Variants in MAP3K10 observed in about 807,000 individuals in gnomAD.
The protein encoded by MAP3K10 is mitogen-activated protein kinase kinase kinase 10, also known as MKN28 derived nonreceptor_type serine/threonine kinase.
A neutral mutation model predicts 75.0 loss-of-function variants in MAP3K10; 22 were observed. The ratio of observed to expected loss-of-function variants is 0.29; its 90% CI spans 0.21 to 0.42. The LOEUF is 0.42. Ranked by LOEUF, MAP3K10 falls within the 10% of genes least tolerant of loss-of-function variation. The probability of loss-of-function intolerance (pLI) is 1.00; values close to 1 mark genes in which losing one functional copy is unlikely to be tolerated. For synonymous variants in MAP3K10, 599 were observed against 612.9 expected (o/e 0.98, Z 0.34); for missense variants, 1,165 against 1,379.8 (o/e 0.84, Z 2.47).
rs755182157 is a variant in MAP3K10 at position 40,192,290 on chromosome 19, C to G, written c.259C>G (p.Leu87Val). ...CGGCGCCCCCGCTGCACCCGCGGGCCTCCAGCTGCCCCAGGAGATCCCCTT... is the reference window on the plus strand; with the variant it reads ...CGGCGCCCCCGCTGCACCCGCGGGCGTCCAGCTGCCCCAGGAGATCCCCTT... ...APGAPAAPAG[L>V]QLPQEIPFHE... is the part of the protein sequence containing the mutation. Residue 87 changes from leucine to valine, a missense_variant, in exon 1 of 10, where the codon CTC (leucine) becomes GTC (valine). Leu to Val is a conservative substitution (Grantham distance 32). Transcript: ENST00000253055. This position sits in a 1 kb window ranked among gnomAD's most constrained non-coding sequence, Gnocchi z 7.1. The G allele has an allele frequency of 6.3e-7, 1 of 1,594,768 alleles. No homozygotes were observed. The highest frequency in any genetic ancestry group is 1.1e-5 in the South Asian group (1 of 89,130).
rs546069949 is a variant in MAP3K10, at chr19:40,212,015, G to A, written c.1553-790G>A. Among the ~76,000 whole-genome samples the A allele has an allele frequency of 7.9e-5, 12 of 152,298 alleles. No individual in the cohort carries two copies. The highest frequency in any genetic ancestry group is 7.7e-4 in the East Asian group (4 of 5,172). On this transcript the variant is annotated intron_variant, in intron 6 of 9. Coordinates refer to ENST00000253055, the MANE Select transcript of MAP3K10 (RefSeq NM_002446.4). This position sits in a 1 kb window ranked among gnomAD's most constrained non-coding sequence, Gnocchi z 4.2. ...GCTGGGATTCCAGGCAAGAGCCACC[G>A]CACCTGGCCTGGTATGGATTTTCTT...
chr19:40,213,150 C>T lies in MAP3K10; in HGVS notation c.1799C>T (p.Thr600Ile), dbSNP rs762431180. 28 of 1,597,090 alleles carry T rather than the reference C, an allele frequency of 1.8e-5. No individual in the cohort carries two copies. The highest frequency in any genetic ancestry group is 4.0e-5 in the African/African-American group (3 of 74,854). Residue 600 changes from threonine to isoleucine, a missense_variant, in exon 8 of 10, where the codon ACA (threonine) becomes ATA (isoleucine). Thr to Ile is a moderately conservative substitution (Grantham distance 89). Around this residue, in one of 2 missense-constraint regions of MAP3K10, gnomAD observed 590 missense variants for 586.6 expected, o/e 1.01. Transcript: ENST00000253055. The surrounding 1 kb of genome is among the most constrained non-coding windows in gnomAD (Gnocchi z 5.7). The stretch of plus-strand genomic sequence containing the variant: ...AACCTGGGCAAGTCCCCCAAACACA[C>T]ACCCATCGCCCCTGGCTTTGCCAGC... The part of the protein sequence containing the change: ...APNLGKSPKH[T>I]PIAPGFASLN...
intron 5 of MAP3K10, among the ~76,000 whole-genome samples, chr19:40,208,226 C>T (rs1973158811): frequency 6.6e-6 from 1 of 151,640 alleles, no homozygotes; most frequent in Non-Finnish European, 1.5e-5. Context: ...GGCTGGAGTG[C>T]AGTGGCATGA....
At chr19:40,209,065 A>C (rs1229677278) in intron 5 of MAP3K10, 38 bp from the exon 6 acceptor site, 3 of 1,470,696 alleles carry the variant, frequency 2.0e-6, no homozygotes, top group South Asian at 1.1e-5. Context: ...TAATCCCTGG[A>C]ACCATTTGCT....
rs1973092340 is a variant in MAP3K10 at position 40,205,085 on chromosome 19, C to T, written c.1013-36C>T. 1.9e-6 allele frequency: 3 copies of T among 1,602,168 alleles called. No homozygotes were observed. The East Asian group carries it at 6.7e-5, about 36-fold the overall frequency. ...CCCAGAGCATGACCACTGACACCTCCATGCCCCACCACTGTCCTTCCTCCT... is the reference window on the plus strand; with the variant it reads ...CCCAGAGCATGACCACTGACACCTCTATGCCCCACCACTGTCCTTCCTCCT... On this transcript the variant is annotated intron_variant, in intron 3 of 9. Transcript: ENST00000253055. This position sits in a 1 kb window ranked among gnomAD's most constrained non-coding sequence, Gnocchi z 4.3.
At position 40,214,212 on chromosome 19, in the gene MAP3K10, C is replaced by A; in HGVS notation, c.2533C>A (p.His845Asn). The A allele has an allele frequency of 7.0e-7, 1 of 1,418,750 alleles. No individual in the cohort carries two copies. Among genetic ancestry groups the A allele is most frequent in the Non-Finnish European group, 9.1e-7 (1 of 1,097,888 alleles). The allele number at this position is 1,418,750 out of a possible 1,614,324, so 87.9% of individuals were successfully genotyped here. Residue 845 changes from histidine (H) to asparagine (N), a missense_variant, in exon 9 of 10, where the codon CAT becomes AAT. By Grantham distance (68) the His-to-Asn change is moderately conservative. Transcript: ENST00000253055. ...GQRGPPEPAGHGPGPRDLLDF... is the reference protein window; with the variant it reads ...GQRGPPEPAGNGPGPRDLLDF... ...GCGGGGGCCGCCCGAGCCCGCGGGCCATGGCCCTGGTGAGTGAGGCGCCCT... is the reference window on the plus strand; with the variant it reads ...GCGGGGGCCGCCCGAGCCCGCGGGCAATGGCCCTGGTGAGTGAGGCGCCCT...
rs1045490235 is a variant in MAP3K10, at chr19:40,213,720, C to G, written c.2041C>G (p.Leu681Val). The G allele has an allele frequency of 8.8e-5, 95 of 1,076,946 alleles. No individual in the cohort carries two copies. The highest frequency in any genetic ancestry group is 1.1e-4 in the Non-Finnish European group (94 of 887,928). 66.7% of individuals were successfully genotyped at this position (1,076,946 alleles called of 1,614,324 possible). A position where few individuals can be genotyped will look rare whatever the true frequency, so the allele number is the denominator to read the frequency against. ...CCTGGCGCTGCTAGGCTGCGCCACG[C>G]TGCTGGGGGCTGTGGGCCTGGGCGC... ...CDLALLGCAT[L>V]LGAVGLGADV... Residue 681 changes from leucine to valine, a missense_variant, in exon 9 of 10, where the codon CTG becomes GTG. Around this residue, in one of 2 missense-constraint regions of MAP3K10, gnomAD observed 590 missense variants for 586.6 expected, o/e 1.01. Transcript: ENST00000253055. This position sits in a 1 kb window ranked among gnomAD's most constrained non-coding sequence, Gnocchi z 5.7.
intron 2 of MAP3K10, among the ~76,000 whole-genome samples, chr19:40,201,167 G>A (rs536071244): frequency 2.0e-5 from 3 of 146,816 alleles, no homozygotes; most frequent in South Asian, 4.3e-4. Flanking sequence ...GAGCTCCAGC[G>A]TTTTTTGTTT....
rs763193956 is a variant in MAP3K10, at chr19:40,212,870, C to T, written c.1618C>T (p.Arg540Cys). ...SSSGGSGTWSRGGPPKKEELV... is the reference protein window; with the variant it reads ...SSSGGSGTWSCGGPPKKEELV... ...CAGTGGAGGAAGTGGGACATGGAGC[C>T]GCGGTGGGCCCCCAAAGAAGGAAGA... The change falls in exon 7 of 10, where the codon CGC becomes TGC. Residue 540 changes from arginine to cysteine, a missense_variant. By Grantham distance (180) the Arg-to-Cys change is radical. Around this residue, in one of 2 missense-constraint regions of MAP3K10, gnomAD observed 575 missense variants for 793.2 expected, o/e 0.72. Transcript: ENST00000253055. The surrounding 1 kb of genome is among the most constrained non-coding windows in gnomAD (Gnocchi z 4.2). 6.2e-6 allele frequency: 10 copies of T among 1,611,146 alleles called. No individual in the cohort carries two copies. Among genetic ancestry groups the T allele is most frequent in the South Asian group, 4.4e-5 (4 of 90,746 alleles).
At chr19:40,201,313 C>T (rs1008010266) in intron 2 of MAP3K10, among the ~76,000 whole-genome samples, 1 of 151,834 alleles carries the variant, frequency 6.6e-6, no homozygotes, top group Non-Finnish European at 1.5e-5. Flanking sequence ...GCTGGGACTA[C>T]AGGCACATGC....
Position 40,214,046 on chromosome 19 carries a change from C to T in MAP3K10, c.2367C>T (p.Pro789=), listed in dbSNP as rs776965683. The change falls in exon 9 of 10, where the codon CCC becomes CCT. Residue 789 remains proline, a synonymous_variant. Coordinates refer to ENST00000253055, the MANE Select transcript of MAP3K10 (RefSeq NM_002446.4). ...SPPAPTPTPS[P]STNPLVDLEL... ...CCGCGCCCACACCCACGCCCTCGCC[C>T]AGCACCAACCCCCTGGTGGACCTGG... The T allele has an allele frequency of 6.5e-7, 1 of 1,538,728 alleles. No homozygotes were observed. The highest frequency in any genetic ancestry group is 1.2e-5 in the South Asian group (1 of 84,128).
chr19:40,192,228 G>A lies in MAP3K10; in HGVS notation c.197G>A (p.Gly66Asp). 1 of 1,604,800 alleles carries A rather than the reference G, an allele frequency of 6.2e-7. No individual in the cohort carries two copies. The highest frequency in any genetic ancestry group is 8.5e-7 in the Non-Finnish European group (1 of 1,177,336). ...EGWWTGQLPS[G>D]RVGVFPSNYV... ...TGGTGGACCGGGCAGCTCCCCAGCGGCCGCGTGGGCGTCTTCCCCAGCAAC... is the reference window on the plus strand; with the variant it reads ...TGGTGGACCGGGCAGCTCCCCAGCGACCGCGTGGGCGTCTTCCCCAGCAAC... The change falls in exon 1 of 10, where the codon GGC becomes GAC. Residue 66 changes from glycine (G) to aspartate (D), a missense_variant. This residue lies in a region of MAP3K10 where 575 missense variants were observed against 793.2 expected (regional missense o/e 0.72). Coordinates refer to ENST00000253055, the MANE Select transcript of MAP3K10 (RefSeq NM_002446.4). The surrounding 1 kb of genome is among the most constrained non-coding windows in gnomAD (Gnocchi z 7.1).
rs377356617 is a variant in MAP3K10 at position 40,192,089 on chromosome 19, G to T, written c.58G>T (p.Val20Phe). The change falls in exon 1 of 10, where the codon GTC becomes TTC. Residue 20 changes from valine to phenylalanine, a missense_variant. Val to Phe is a conservative substitution (Grantham distance 50). Coordinates refer to ENST00000253055, the MANE Select transcript of MAP3K10 (RefSeq NM_002446.4). This position sits in a 1 kb window ranked among gnomAD's most constrained non-coding sequence, Gnocchi z 7.1. ...GTGGGGCACGACCCCCGCGGGGCCC[G>T]TCTGGACCGCGGTGTTCGACTACGA... ...KEWGTTPAGPVWTAVFDYEAA... is the reference protein window; with the variant it reads ...KEWGTTPAGPFWTAVFDYEAA... 402 of 1,535,982 alleles carry T rather than the reference G, an allele frequency of 2.6e-4. No individual in the cohort carries two copies. The highest frequency in any genetic ancestry group is 3.1e-4 in the Non-Finnish European group (355 of 1,144,838).
Position 40,192,253 on chromosome 19 carries a change from C to G in MAP3K10, c.222C>G (p.Asn74Lys). The G allele has an allele frequency of 6.2e-7, 1 of 1,603,190 alleles. No homozygotes were observed. Among genetic ancestry groups the G allele is most frequent in the Non-Finnish European group, 8.5e-7 (1 of 1,176,584 alleles). Reference sequence around the variant, plus strand: ...GCCGCGTGGGCGTCTTCCCCAGCAACTACGTGGCCCCCGGCGCCCCCGCTG... The same window carrying G: ...GCCGCGTGGGCGTCTTCCCCAGCAAGTACGTGGCCCCCGGCGCCCCCGCTG... Reference protein sequence around the residue: ...PSGRVGVFPSNYVAPGAPAAP... With the variant: ...PSGRVGVFPSKYVAPGAPAAP... The change falls in exon 1 of 10, where the codon AAC (asparagine) becomes AAG (lysine). Residue 74 changes from asparagine to lysine, a missense_variant. Asn to Lys is a moderately conservative substitution (Grantham distance 94). Transcript: ENST00000253055. This position sits in a 1 kb window ranked among gnomAD's most constrained non-coding sequence, Gnocchi z 7.1.
rs1266610077 is a variant in MAP3K10, at chr19:40,198,610, G to A, written c.863+55G>A. ...TGGGGAGTAAGGGAGGGAGGAAGGG[G>A]TGAGGGCAGAGTGGGAGGGAGGGTC... On this transcript the variant is annotated intron_variant, in intron 2 of 9. Transcript: ENST00000253055. This position sits in a 1 kb window ranked among gnomAD's most constrained non-coding sequence, Gnocchi z 4.3. 2.0e-6 allele frequency: 3 copies of A among 1,531,850 alleles called. No individual in the cohort carries two copies. The highest frequency in any genetic ancestry group is 2.7e-6 in the Non-Finnish European group (3 of 1,126,844). 94.9% of individuals were successfully genotyped at this position (1,531,850 alleles called of 1,614,324 possible).
chr19:40,206,530 T>A, intron 5 of MAP3K10: 1 of 173,442 alleles, frequency 5.8e-6, no homozygotes, highest in African/African-American at 2.4e-5. Context: ...GAGCTGTAAT[T>A]GCACCACTGC....
At position 40,212,227 on chromosome 19, in the gene MAP3K10, G is replaced by A. The variant is rs373605410; in HGVS notation, c.1553-578G>A. 8.3e-4 allele frequency among the ~76,000 whole-genome samples: 127 copies of A among 152,272 alleles called. 1 individual carries two copies. Among genetic ancestry groups the A allele is most frequent in the African/African-American group, 2.9e-3 (121 of 41,564 alleles). On this transcript the variant is annotated intron_variant, in intron 6 of 9. Coordinates refer to ENST00000253055, the MANE Select transcript of MAP3K10 (RefSeq NM_002446.4). The surrounding 1 kb of genome is among the most constrained non-coding windows in gnomAD (Gnocchi z 4.2). ...AGTCGGGGCTATATGGCAGAGACAC[G>A]GTCATCGGAGTTTCCTGGTGGGTTG...
intron 1 of MAP3K10, among the ~76,000 whole-genome samples, chr19:40,194,576 G>A (rs1033543625): frequency 5.3e-5 from 8 of 152,172 alleles, no homozygotes; most frequent in South Asian, 4.1e-4. Context: ...GTGCTATCTG[G>A]TCAAAGGGTC....
chr19:40,200,692 C>G (rs1203142347), intron 2 of MAP3K10, among the ~76,000 whole-genome samples: 2 of 143,920 alleles, frequency 1.4e-5, no homozygotes, highest in African/African-American at 2.5e-5. Context: ...AATCTCAGCT[C>G]ACTGCACCCT....
Sources: gnomAD v4.1 joint callset for allele counts (sites outside exome capture counted in the v4.1 genomes callset) on GRCh38, gnomAD v4.1.1 for gene constraint, gnomAD v4.1.1 regional missense constraint, Gnocchi (gnomAD v3.1) non-coding constraint, MANE v1.5 for transcripts, NCBI Gene and HGNC (gene_info 2026-07-23, HGNC 2026-07-21) for gene names.